The following KCNB2 variants were observed in gnomAD, a reference collection of about 807,000 sequenced individuals.
The protein encoded by KCNB2 is delayed rectifier potassium channel protein.
A neutral mutation model predicts 61.5 loss-of-function variants in KCNB2; 15 were observed. The ratio of observed to expected loss-of-function variants is 0.24; its 90% CI spans 0.16 to 0.38. The LOEUF is 0.38. KCNB2 is among the 10% of genes least tolerant of loss of function. The probability of loss-of-function intolerance (pLI) is 1.00; values close to 1 mark genes in which losing one functional copy is unlikely to be tolerated. For missense variants in KCNB2, 828 were observed against 1,125.2 expected, an observed-to-expected ratio of 0.74 and a Z score of 3.78; for synonymous variants, 457 against 446.0, an observed-to-expected ratio of 1.02 and a Z score of -0.31.
intron 1 of KCNB2, among the ~76,000 whole-genome samples, chr8:72,560,601 A>G (rs796987320): frequency 4.6e-5 from 7 of 152,274 alleles, no homozygotes; most frequent in African/African-American, 1.4e-4. Context: ...TTAGAAGGAC[A>G]CACCTTGGAC....
chr8:72,851,962 G>A lies in KCNB2; in HGVS notation c.580-83973G>A, dbSNP rs1008750189. Among the ~76,000 whole-genome samples the A allele has an allele frequency of 7.9e-5, 12 of 152,022 alleles. No homozygotes were observed. The East Asian group carries it at 1.9e-3, about 24-fold the overall frequency. On this transcript the variant is annotated intron_variant, in intron 2 of 2. Coordinates refer to ENST00000523207, the MANE Select transcript of KCNB2 (RefSeq NM_004770.3). ...ATAAAAGGGCACATAGAGGCTGGGCGTGGTGCCCCGTGCCTGTAATTCCAG... is the reference window on the plus strand; with the variant it reads ...ATAAAAGGGCACATAGAGGCTGGGCATGGTGCCCCGTGCCTGTAATTCCAG...
chr8:72,554,534 A>G (rs1806394046), intron 1 of KCNB2, among the ~76,000 whole-genome samples: 1 of 152,018 alleles, frequency 6.6e-6, no homozygotes, highest in African/African-American at 2.4e-5. Context: ...TTGTATATTT[A>G]TTTTTGGTGC....
intron 2 of KCNB2, among the ~76,000 whole-genome samples, chr8:72,645,897 C>T (rs1806122480): frequency 6.6e-6 from 1 of 152,126 alleles, no homozygotes; most frequent in Admixed American, 6.6e-5. Context: ...TGATATTTAA[C>T]ACATATTCTG....
At chr8:72,659,121 T>C (rs1017274031) in intron 2 of KCNB2, among the ~76,000 whole-genome samples, 3 of 152,158 alleles carry the variant, frequency 2.0e-5, no homozygotes, top group Non-Finnish European at 4.4e-5. Context: ...CTCTGCAAAG[T>C]AAATTGAAAA....
At chr8:72,723,085 C>T (rs1262502339) in intron 2 of KCNB2, among the ~76,000 whole-genome samples, 3 of 152,136 alleles carry the variant, frequency 2.0e-5, no homozygotes, top group African/African-American at 7.2e-5. Flanking sequence ...CCTGAGAGGA[C>T]TGAGAAGTAT....
intron 2 of KCNB2, among the ~76,000 whole-genome samples, chr8:72,695,886 G>A (rs1189729163): frequency 6.6e-6 from 1 of 152,188 alleles, no homozygotes; most frequent in Admixed American, 6.6e-5. Context: ...CATCTGTTAT[G>A]TATTTTCCAA....
intron 2 of KCNB2, among the ~76,000 whole-genome samples, chr8:72,609,886 C>T (rs1030411658): frequency 1.3e-5 from 2 of 152,164 alleles, no homozygotes; most frequent in Admixed American, 1.3e-4. Flanking sequence ...GACGTCGTTA[C>T]GTTGAAGTCC....
At chr8:72,571,910 A>T (rs1323872410) in intron 2 of KCNB2, among the ~76,000 whole-genome samples, 2 of 152,222 alleles carry the variant, frequency 1.3e-5, no homozygotes, top group African/African-American at 2.4e-5. Flanking sequence ...TGGACTGGAA[A>T]CATTTTTCTC....
At chr8:72,604,263 T>C (rs1395937459) in intron 2 of KCNB2, among the ~76,000 whole-genome samples, 2 of 152,216 alleles carry the variant, frequency 1.3e-5, no homozygotes, top group African/African-American at 4.8e-5. Context: ...CTATACACAA[T>C]GAATGCTCCA....
At position 72,592,380 on chromosome 8, in the gene KCNB2, G is replaced by A. The variant is rs908099489; in HGVS notation, c.579+24067G>A. On this transcript the variant is annotated intron_variant, in intron 2 of 2. Coordinates refer to ENST00000523207, the MANE Select transcript of KCNB2 (RefSeq NM_004770.3). Reference sequence around the variant, plus strand: ...ATCAGTATATATCTGCATGTCATAGGGGTTAGCTGAAAACTATTAAGACTT... The same window carrying A: ...ATCAGTATATATCTGCATGTCATAGAGGTTAGCTGAAAACTATTAAGACTT... Among the ~76,000 whole-genome samples, 14 of 151,924 alleles carry A rather than the reference G, an allele frequency of 9.2e-5. 1 individual carries two copies. Among genetic ancestry groups the A allele is most frequent in the African/African-American group, 3.4e-4 (14 of 41,360 alleles).
chr8:72,608,248 T>A (rs901955459), intron 2 of KCNB2, among the ~76,000 whole-genome samples: 9 of 151,888 alleles, frequency 5.9e-5, no homozygotes, highest in African/African-American at 2.2e-4. Context: ...CTGGTGGAAG[T>A]GGACTGGCTG....
At chr8:72,572,370 C>T (rs980282525) in intron 2 of KCNB2, among the ~76,000 whole-genome samples, 10 of 152,246 alleles carry the variant, frequency 6.6e-5, no homozygotes, top group African/African-American at 2.2e-4. Flanking sequence ...GCAAAATCTG[C>T]GGAAACACAT....
rs1435497053 is a variant in KCNB2, at chr8:72,561,770, T to TAC, written c.-93-5871_-93-5870insCA. Among the ~76,000 whole-genome samples, 254 of 31,166 alleles carry TAC rather than the reference T, an allele frequency of 8.1e-3. 27 individuals carry two copies. Among genetic ancestry groups the TAC allele is most frequent in the South Asian group, 0.034 (44 of 1,300 alleles). 20.4% of individuals were successfully genotyped at this position (31,166 alleles called of 152,430 possible). A position where few individuals can be genotyped will look rare whatever the true frequency, so the allele number is the denominator to read the frequency against. ...ATGTATATATATATATGGATATATA[T>TAC]ATATATGGATATATATATACATATA... On this transcript the variant is annotated intron_variant, in intron 1 of 2. Transcript: ENST00000523207.
At chr8:72,796,105 C>T (rs1379092615) in intron 2 of KCNB2, among the ~76,000 whole-genome samples, 1 of 152,184 alleles carries the variant, frequency 6.6e-6, no homozygotes, top group Non-Finnish European at 1.5e-5. Context: ...CTCCATCTGG[C>T]ATGCCTTACA....
intron 2 of KCNB2, chr8:72,619,168 A>G: frequency 5.7e-6 from 2 of 352,158 alleles, no homozygotes; most frequent in South Asian, 2.5e-5. Flanking sequence ...TCAGTTTGGG[A>G]TTTTGTTTGA....
chr8:72,700,018 A>G (rs1483166843), intron 2 of KCNB2, among the ~76,000 whole-genome samples: 1 of 152,212 alleles, frequency 6.6e-6, no homozygotes, highest in Non-Finnish European at 1.5e-5. Flanking sequence ...GCAGCGAGAA[A>G]AAAAGAATGA....
intron 2 of KCNB2, among the ~76,000 whole-genome samples, chr8:72,702,887 A>C (rs569017130): frequency 6.6e-6 from 1 of 151,478 alleles, no homozygotes; most frequent in Non-Finnish European, 1.5e-5. Context: ...CCAGGGATCC[A>C]CTCCCCGTGG....
intron 2 of KCNB2, among the ~76,000 whole-genome samples, chr8:72,660,392 C>T (rs976018628): frequency 2.6e-5 from 4 of 152,168 alleles, no homozygotes; most frequent in Admixed American, 6.5e-5. Context: ...ATCTGGTTCA[C>T]GTGGGATGCT....
chr8:72,844,624 G>C (rs1809954695), intron 2 of KCNB2, among the ~76,000 whole-genome samples: 1 of 152,068 alleles, frequency 6.6e-6, no homozygotes, highest in Non-Finnish European at 1.5e-5. Context: ...TTTCTTGGAG[G>C]CTTTGTTCAT....
Sources: allele counts gnomAD v4.1 joint callset (sites outside exome capture counted in the v4.1 genomes callset), GRCh38; gene constraint gnomAD v4.1.1; transcripts MANE v1.5; gene names NCBI Gene and HGNC (gene_info 2026-07-23, HGNC 2026-07-21).